Variants in PRKCE observed in about 807,000 individuals in gnomAD.
PRKCE encodes protein kinase C epsilon type.
In PRKCE, 16 loss-of-function variants were observed where a neutral mutation model predicts 85.4. The observed-to-expected ratio is 0.19, with a 90% CI of 0.13 to 0.28. The LOEUF is 0.28. Ranked by LOEUF, PRKCE falls within the 10% of genes least tolerant of loss-of-function variation. The pLI, the probability that PRKCE is intolerant of heterozygous loss-of-function variation, is 1.00. For synonymous variants in PRKCE, 388 were observed against 371.5 expected (o/e 1.04, Z -0.51); for missense variants, 573 against 975.2 (o/e 0.59, Z 5.49).
At chr2:45,733,571 G>A (rs535481218) in intron 1 of PRKCE, among the ~76,000 whole-genome samples, 20 of 152,332 alleles carry the variant, frequency 1.3e-4, no homozygotes, top group African/African-American at 4.8e-4. Flanking sequence ...AGGTTGGGGT[G>A]TTATGTGGGC....
chr2:45,740,973 A>G (rs186542017), intron 1 of PRKCE, among the ~76,000 whole-genome samples: 121 of 152,364 alleles, frequency 7.9e-4, no homozygotes, highest in African/African-American at 2.2e-3. Context: ...GATATAAAAC[A>G]TCTGATGAAA....
chr2:45,720,313 A>G (rs774392990), intron 1 of PRKCE, among the ~76,000 whole-genome samples: 7 of 152,156 alleles, frequency 4.6e-5, no homozygotes, highest in Non-Finnish European at 1.0e-4. Flanking sequence ...ATCGGTTGGT[A>G]AAAGAACTAC....
intron 10 of PRKCE, chr2:46,077,871 C>G (rs972003160): frequency 6.6e-6 from 1 of 152,218 alleles, no homozygotes; most frequent in African/African-American, 2.4e-5. Context: ...AAGGCTCTGC[C>G]TGTAGTTCAC....
intron 10 of PRKCE, among the ~76,000 whole-genome samples, chr2:46,038,103 G>T (rs1011446269): frequency 5.3e-5 from 8 of 152,186 alleles, no homozygotes; most frequent in Admixed American, 6.5e-5. Flanking sequence ...GAGCAGTTGA[G>T]TGTGGCCCTG....
chr2:45,840,758 G>A (rs185480794), intron 1 of PRKCE, among the ~76,000 whole-genome samples: 1 of 152,330 alleles, frequency 6.6e-6, no homozygotes, highest in Admixed American at 6.5e-5. Context: ...GATGGGGTCA[G>A]GAGTGACTCT....
intron 1 of PRKCE, among the ~76,000 whole-genome samples, chr2:45,719,485 C>T (rs1680430180): frequency 6.6e-6 from 1 of 152,174 alleles, no homozygotes. Context: ...CTGTTTGGGG[C>T]TCCTTCCCTC....
At chr2:46,149,993 A>T (rs1676458840) in intron 12 of PRKCE, among the ~76,000 whole-genome samples, 1 of 151,900 alleles carries the variant, frequency 6.6e-6, no homozygotes, top group Non-Finnish European at 1.5e-5. Flanking sequence ...AGAAGGTGAG[A>T]CTACAGACAC....
At chr2:46,170,867 A>G (rs568707128) in intron 14 of PRKCE, among the ~76,000 whole-genome samples, 8 of 152,348 alleles carry the variant, frequency 5.3e-5, no homozygotes, top group Admixed American at 2.0e-4. Context: ...ATTTTCCTAA[A>G]TAAGTGGGGG....
intron 10 of PRKCE, among the ~76,000 whole-genome samples, chr2:46,027,674 C>T: frequency 6.6e-6 from 1 of 152,316 alleles, no homozygotes; most frequent in South Asian, 2.1e-4. Context: ...TAACAAAAAA[C>T]TGAGCTTGTG....
At chr2:46,099,359 T>C (rs765200838) in intron 11 of PRKCE, among the ~76,000 whole-genome samples, 1 of 152,124 alleles carries the variant, frequency 6.6e-6, no homozygotes. Flanking sequence ...GAGGTGCTCA[T>C]TGACAGGCCT....
intron 2 of PRKCE, among the ~76,000 whole-genome samples, chr2:45,940,147 T>C (rs1699772371): frequency 6.6e-6 from 1 of 152,226 alleles, no homozygotes; most frequent in African/African-American, 2.4e-5. Context: ...GAAGCTTCCC[T>C]CAGACCTCTT....
chr2:46,075,598 A>T (rs1285595578), intron 10 of PRKCE, among the ~76,000 whole-genome samples: 1 of 151,852 alleles, frequency 6.6e-6, no homozygotes, highest in Non-Finnish European at 1.5e-5. Flanking sequence ...AAATATGAAA[A>T]ATTAGGCAGG....
intron 5 of PRKCE, among the ~76,000 whole-genome samples, chr2:45,980,624 C>T (rs1702812335): frequency 6.6e-6 from 1 of 152,236 alleles, no homozygotes; most frequent in Non-Finnish European, 1.5e-5. Flanking sequence ...GATCCCAGCA[C>T]TGAAGCCCAC....
intron 11 of PRKCE, among the ~76,000 whole-genome samples, chr2:46,134,027 G>A (rs539972637): frequency 6.6e-6 from 1 of 152,342 alleles, no homozygotes; most frequent in African/African-American, 2.4e-5. Context: ...GGGTTGGAGA[G>A]TGCAAGAGAA....
chr2:46,094,432 A>AT (rs1670480544), intron 11 of PRKCE, among the ~76,000 whole-genome samples: 1 of 152,240 alleles, frequency 6.6e-6, no homozygotes, highest in South Asian at 2.1e-4. Flanking sequence ...TGGGCATAGA[A>AT]TTTTAGATTA....
rs879393870 is a variant in PRKCE, at chr2:46,186,423, C to T, written c.*1542C>T. 3 of 152,502 alleles carry T rather than the reference C, an allele frequency of 2.0e-5. No homozygotes were observed. The highest frequency in any genetic ancestry group is 1.3e-4 in the Admixed American group (2 of 15,274). The allele number at this position is 152,502 out of a possible 1,614,324, so 9.4% of individuals were successfully genotyped here. On this transcript the variant is annotated 3_prime_UTR_variant, in exon 15 of 15. Coordinates refer to ENST00000306156, the MANE Select transcript of PRKCE (RefSeq NM_005400.3). ...TGCTGCAAGGCCTGTGGAATTAATTCGTTGCATATAGAGGTATCAACTGCT... is the reference window on the plus strand; with the variant it reads ...TGCTGCAAGGCCTGTGGAATTAATTTGTTGCATATAGAGGTATCAACTGCT...
rs541141442 is a variant in PRKCE at position 46,182,183 on chromosome 2, C to T, written c.2068-2552C>T. Among the ~76,000 whole-genome samples, 10 of 152,254 alleles carry T rather than the reference C, an allele frequency of 6.6e-5. No homozygotes were observed. In the East Asian group the frequency reaches 1.4e-3, roughly 21 times the overall value. ...AATTGTTGCCACAGCCTACCCAGCC[C>T]GCTCCTCCCTCTGGACTGACTCACT... On this transcript the variant is annotated intron_variant, in intron 14 of 14. Transcript: ENST00000306156.
At chr2:46,087,477 G>A (rs1669755541) in intron 11 of PRKCE, among the ~76,000 whole-genome samples, 1 of 152,094 alleles carries the variant, frequency 6.6e-6, no homozygotes, top group Non-Finnish European at 1.5e-5. Context: ...GTTCTTCAAG[G>A]CATTCTGGTC....
At chr2:45,974,366 T>C (rs989900976) in intron 2 of PRKCE, among the ~76,000 whole-genome samples, 1 of 152,194 alleles carries the variant, frequency 6.6e-6, no homozygotes, top group Non-Finnish European at 1.5e-5. Context: ...GAGCTTTCTG[T>C]ACCCAGAAGG....
Sources: gnomAD v4.1 joint callset for allele counts (sites outside exome capture counted in the v4.1 genomes callset) on GRCh38, gnomAD v4.1.1 for gene constraint, MANE v1.5 for transcripts, NCBI Gene and HGNC (gene_info 2026-07-23, HGNC 2026-07-21) for gene names.